The following PLCL1 variants were observed in gnomAD, a reference collection of about 807,000 sequenced individuals.
The protein encoded by PLCL1 is phospholipase C like 1 (inactive).
Under a neutral mutation model 84.4 loss-of-function variants are expected in PLCL1, and 41 were observed. The ratio of observed to expected loss-of-function variants is 0.49; its 90% CI spans 0.38 to 0.63. The LOEUF (loss-of-function observed/expected upper bound fraction) is 0.63. PLCL1 is among the 30% of genes least tolerant of loss of function. The pLI is 0.00. For missense variants in PLCL1, 1,206 were observed against 1,367.8 expected (o/e 0.88, Z 1.87); for synonymous variants, 490 against 488.3 (o/e 1.00, Z -0.05).
Position 197,805,211 on chromosome 2 carries a change from T to A in PLCL1, c.112T>A (p.Ser38Thr). ...CGCCGGGGACTGCGTGACGGCGGCC[T>A]CTGGGGGCCGGATGAGGGACCGTCG... The part of the protein sequence containing the change: ...DAAGDCVTAA[S>T]GGRMRDRRSG... The change falls in exon 1 of 6, where the codon TCT becomes ACT. Residue 38 changes from serine (S) to threonine (T), a missense_variant. Coordinates refer to ENST00000428675, the MANE Select transcript of PLCL1 (RefSeq NM_006226.4). This position sits in a 1 kb window ranked among gnomAD's most constrained non-coding sequence, Gnocchi z 4.0. 5.5e-6 allele frequency: 7 copies of A among 1,274,718 alleles called. No homozygotes were observed. Among genetic ancestry groups the A allele is most frequent in the Non-Finnish European group, 6.9e-6 (7 of 1,012,554 alleles). 79.0% of individuals were successfully genotyped at this position (1,274,718 alleles called of 1,614,324 possible).
intron 1 of PLCL1, among the ~76,000 whole-genome samples, chr2:197,881,380 A>G (rs1440299941): frequency 6.6e-6 from 1 of 152,042 alleles, no homozygotes; most frequent in African/African-American, 2.4e-5. Flanking sequence ...AGCAGAGCAT[A>G]GTTTGTGAAA....
At chr2:198,138,434 G>A (rs949620774) in intron 5 of PLCL1, among the ~76,000 whole-genome samples, 59 of 152,196 alleles carry the variant, frequency 3.9e-4, no homozygotes, top group South Asian at 2.1e-4. Flanking sequence ...ATCCCCTCCT[G>A]CAACACCAGG....
At chr2:197,928,912 G>A (rs1274851897) in intron 1 of PLCL1, among the ~76,000 whole-genome samples, 7 of 152,078 alleles carry the variant, frequency 4.6e-5, no homozygotes, top group Non-Finnish European at 1.5e-5. Context: ...ATACCACCAT[G>A]TCAATAGTCA....
At chr2:197,931,609 G>A (rs60213919) in intron 1 of PLCL1, among the ~76,000 whole-genome samples, 6 of 87,888 alleles carry the variant, frequency 6.8e-5, no homozygotes, top group Non-Finnish European at 1.2e-4. Flanking sequence ...TCAAGAAATA[G>A]ACAGACCTCT....
rs374328078 is a variant in PLCL1, at chr2:197,904,285, C to A, written c.240+98946C>A. ...TTCTCCTCCCTAGGCCCTTCCCTTT[C>A]TCTCCACTTCAGAGGTATTCCCTTA... On this transcript the variant is annotated intron_variant, in intron 1 of 5. Coordinates refer to ENST00000428675, the MANE Select transcript of PLCL1 (RefSeq NM_006226.4). Among the ~76,000 whole-genome samples, 5 of 152,184 alleles carry A rather than the reference C, an allele frequency of 3.3e-5. No individual in the cohort carries two copies. In the South Asian group the frequency reaches 6.2e-4, roughly 19 times the overall value.
rs146920903 is a variant in PLCL1 at position 197,852,004 on chromosome 2, A to C, written c.240+46665A>C. 2.0e-3 allele frequency among the ~76,000 whole-genome samples: 303 copies of C among 152,348 alleles called. 3 individuals are homozygous for C. Among genetic ancestry groups the C allele is most frequent in the African/African-American group, 6.9e-3 (286 of 41,588 alleles). On this transcript the variant is annotated intron_variant, in intron 1 of 5. Transcript: ENST00000428675. The stretch of plus-strand genomic sequence containing the variant: ...ACAATTTCCAAATAGCTCTCCTCTC[A>C]TATATGAATAAGGATGGTTGGCATT...
chr2:197,927,301 C>T (rs745693883), intron 1 of PLCL1, among the ~76,000 whole-genome samples: 5 of 152,264 alleles, frequency 3.3e-5, no homozygotes, highest in Non-Finnish European at 7.4e-5. Flanking sequence ...TGGCATTCTA[C>T]CATGTCATTT....
intron 1 of PLCL1, among the ~76,000 whole-genome samples, chr2:198,028,773 A>G (rs1406999938): frequency 1.3e-5 from 2 of 152,116 alleles, no homozygotes; most frequent in Non-Finnish European, 2.9e-5. Context: ...ATGACATTTC[A>G]TGAACTTATT....
intron 1 of PLCL1, among the ~76,000 whole-genome samples, chr2:197,925,581 A>G (rs973178374): frequency 1.3e-5 from 2 of 152,208 alleles, no homozygotes; most frequent in African/African-American, 2.4e-5. Context: ...AGCCAAGGAG[A>G]AAGCCTGTAC....
At chr2:197,861,063 A>G (rs1315155332) in intron 1 of PLCL1, among the ~76,000 whole-genome samples, 1 of 152,068 alleles carries the variant, frequency 6.6e-6, no homozygotes, top group Admixed American at 6.6e-5. Flanking sequence ...AAAATCTCCA[A>G]AGTGATAAGC....
At chr2:198,124,814 T>C (rs530585871) in intron 5 of PLCL1, among the ~76,000 whole-genome samples, 109 of 152,276 alleles carry the variant, frequency 7.2e-4, no homozygotes, top group African/African-American at 2.5e-3. Flanking sequence ...TTGTAGAGAA[T>C]GAAAAATAAT....
intron 1 of PLCL1, among the ~76,000 whole-genome samples, chr2:198,050,119 A>T (rs78009451): frequency 0.059 from 8,938 of 152,214 alleles, 385 homozygotes; most frequent in Middle Eastern, 0.13. Flanking sequence ...GGCCTCCTGT[A>T]GTGTGCAGTC....
rs1694575526 is a variant in PLCL1, at chr2:198,148,313, A to G, written c.*1351A>G. On this transcript the variant is annotated 3_prime_UTR_variant, in exon 6 of 6. Transcript: ENST00000428675. ...TAATTGTTGAAATTTTGCAAATATA[A>G]ACATCTCCTATAGCTTCTGTGTTAT... is the stretch of plus-strand genomic sequence containing the variant. 1 of 152,352 alleles carries G rather than the reference A, an allele frequency of 6.6e-6. No individual in the cohort carries two copies. The highest frequency in any genetic ancestry group is 1.5e-5 in the Non-Finnish European group (1 of 68,036). The allele number at this position is 152,352 out of a possible 1,614,324, so 9.4% of individuals were successfully genotyped here. A position where few individuals can be genotyped will look rare whatever the true frequency, so the allele number is the denominator to read the frequency against.
intron 1 of PLCL1, among the ~76,000 whole-genome samples, chr2:197,871,450 C>T (rs908240846): frequency 6.6e-6 from 1 of 152,098 alleles, no homozygotes; most frequent in East Asian, 1.9e-4. Context: ...TCCAGACCCC[C>T]ACCTGGATCC....
At chr2:197,972,856 G>A (rs1383957707) in intron 1 of PLCL1, among the ~76,000 whole-genome samples, 3 of 152,080 alleles carry the variant, frequency 2.0e-5, no homozygotes, top group East Asian at 3.8e-4. Context: ...AGACATGATC[G>A]AAAACTAGGA....
intron 1 of PLCL1, among the ~76,000 whole-genome samples, chr2:197,969,904 T>G (rs909417760): frequency 6.6e-6 from 1 of 152,218 alleles, no homozygotes. Context: ...AAAGTGCATG[T>G]AGTTTAAACT....
intron 1 of PLCL1, among the ~76,000 whole-genome samples, chr2:197,817,442 T>A (rs1574894215): frequency 6.6e-6 from 1 of 152,070 alleles, no homozygotes; most frequent in South Asian, 2.1e-4. Context: ...GGAGGTAACA[T>A]TTATTTTATT....
chr2:198,053,867 A>C (rs11903129), intron 1 of PLCL1, among the ~76,000 whole-genome samples: 3 of 152,062 alleles, frequency 2.0e-5, no homozygotes, highest in Non-Finnish European at 4.4e-5. Flanking sequence ...GTGTAGAACC[A>C]ATGGGTTTTG....
chr2:197,922,972 C>A (rs1294828290), intron 1 of PLCL1, among the ~76,000 whole-genome samples: 4 of 114,158 alleles, frequency 3.5e-5, no homozygotes, highest in Non-Finnish European at 5.5e-5. Context: ...CCACCTCCCT[C>A]CCGGACCGGG....
Sources: gnomAD v4.1 joint callset for allele counts (sites outside exome capture counted in the v4.1 genomes callset) on GRCh38, gnomAD v4.1.1 for gene constraint, Gnocchi (gnomAD v3.1) non-coding constraint, MANE v1.5 for transcripts, NCBI Gene and HGNC (gene_info 2026-07-23, HGNC 2026-07-21) for gene names.